TULP4: variants seen among roughly 807,000 people sequenced by gnomAD.
The protein encoded by TULP4 is tubby-related protein 4.
Under a neutral mutation model 129.0 loss-of-function variants are expected in TULP4, and 16 were observed. The observed-to-expected ratio is 0.12, with a 90% CI of 0.08 to 0.19. TULP4 has a LOEUF of 0.19. TULP4 is among the 10% of genes least tolerant of loss of function. The pLI is 1.00. For missense variants in TULP4, 1,842 were observed against 2,059.1 expected (o/e 0.89, Z 2.04); for synonymous variants, 998 against 854.0 (o/e 1.17, Z -2.94).
chr6:158,234,384 C>G (rs1226626312), intron 1 of TULP4, among the ~76,000 whole-genome samples: 1 of 152,180 alleles, frequency 6.6e-6, no homozygotes, highest in African/African-American at 2.4e-5. Context: ...AATTTCAGCC[C>G]TCTCACTGGA....
At chr6:158,261,810 A>G (rs1028091210) in intron 1 of TULP4, among the ~76,000 whole-genome samples, 1 of 152,078 alleles carries the variant, frequency 6.6e-6, no homozygotes, top group Non-Finnish European at 1.5e-5. Flanking sequence ...TTAGCCTCAG[A>G]GTTCCTCACA....
intron 1 of TULP4, among the ~76,000 whole-genome samples, chr6:158,369,154 C>CTTT (rs1271716209): frequency 1.3e-5 from 2 of 151,998 alleles, no homozygotes; most frequent in Non-Finnish European, 2.9e-5. Context: ...GTTATAATGT[C>CTTT]TTACAGGGAA....
At chr6:158,455,365 C>T (rs1299597972) in intron 5 of TULP4, among the ~76,000 whole-genome samples, 1 of 24,600 alleles carries the variant, frequency 4.1e-5, no homozygotes, top group Non-Finnish European at 7.7e-5. Flanking sequence ...TGAGCCACCG[C>T]GCCCGGCCAA....
At chr6:158,244,985 G>T (rs1366469826) in intron 1 of TULP4, among the ~76,000 whole-genome samples, 1 of 151,852 alleles carries the variant, frequency 6.6e-6, no homozygotes, top group African/African-American at 2.4e-5. Context: ...ATATAATTTA[G>T]ACACAATTTT....
chr6:158,368,429 A>T (rs1424951550), intron 1 of TULP4, among the ~76,000 whole-genome samples: 1 of 152,144 alleles, frequency 6.6e-6, no homozygotes, highest in Non-Finnish European at 1.5e-5. Context: ...CAGCCTCCCA[A>T]GTAGCTGGGT....
intron 2 of TULP4, 76 bp from the exon 3 acceptor site, chr6:158,429,660 T>C (rs1212570706): frequency 6.8e-7 from 1 of 1,461,752 alleles, no homozygotes; most frequent in Non-Finnish European, 9.2e-7. Context: ...TCTAAGTTAA[T>C]GACTATGTCT....
chr6:158,302,264 A>G (rs773630509), intron 1 of TULP4, among the ~76,000 whole-genome samples: 1 of 152,212 alleles, frequency 6.6e-6, no homozygotes, highest in Non-Finnish European at 1.5e-5. Context: ...GCTCCTGATT[A>G]TTGATAGATG....
chr6:158,364,098 T>C (rs1780864698), intron 1 of TULP4, among the ~76,000 whole-genome samples: 1 of 152,224 alleles, frequency 6.6e-6, no homozygotes, highest in Admixed American at 6.5e-5. Flanking sequence ...AAATGACTTC[T>C]CTTGGATCTC....
At chr6:158,264,476 C>T (rs1241298842) in intron 1 of TULP4, among the ~76,000 whole-genome samples, 1 of 152,054 alleles carries the variant, frequency 6.6e-6, no homozygotes, top group African/African-American at 2.4e-5. Context: ...AAAACTCAAG[C>T]CATTTTCCCT....
At chr6:158,310,884 G>T (rs901155846), upstream of TULP4, among the ~76,000 whole-genome samples, 1 of 152,126 alleles carries the variant, frequency 6.6e-6, no homozygotes, top group Non-Finnish European at 1.5e-5. Flanking sequence ...TAAAAACCAT[G>T]TACTCAAGGG....
chr6:158,390,792 G>A (rs563210252), intron 1 of TULP4, among the ~76,000 whole-genome samples: 1 of 152,304 alleles, frequency 6.6e-6, no homozygotes, highest in Admixed American at 6.5e-5. Flanking sequence ...TTTTGCATGG[G>A]CCCTATGTTT....
rs150961328 is a variant in TULP4 at position 158,296,373 on chromosome 6, T to C, written n.116+13995T>C. Among the ~76,000 whole-genome samples, 941 of 152,108 alleles carry C rather than the reference T, an allele frequency of 6.2e-3. 8 individuals are homozygous for C. The highest frequency in any genetic ancestry group is 0.021 in the African/African-American group (885 of 41,480). On this transcript the variant is annotated intron_variant and non_coding_transcript_variant, in intron 1 of 1. Transcript: ENST00000432358. ...AGAGAGACAGTATAAAGAGAAGAAT[T>C]TTACAGCTGGGCCGCCGGAGGTGAC...
Position 158,502,632 on chromosome 6 carries a change from A to G in TULP4, c.2969A>G (p.Asn990Ser), listed in dbSNP as rs1265903933. ...NSLIHATLRR[N>S]NREATLKMAQ... ...CTCATCCACGCTACCCTGCGGAGGA[A>G]CAACCGTGAGGCTACGCTCAAGATG... Residue 990 changes from asparagine to serine, a missense_variant, in exon 13 of 14, where the codon AAC (asparagine) becomes AGC (serine). Asn to Ser is a conservative substitution (Grantham distance 46, BLOSUM62 1). This residue lies in a region of TULP4 where 1,089 missense variants were observed against 987.1 expected (regional missense o/e 1.10). Coordinates refer to ENST00000367097, the MANE Select transcript of TULP4 (RefSeq NM_020245.5). The G allele has an allele frequency of 6.3e-7, 1 of 1,592,694 alleles. No homozygotes were observed. Among genetic ancestry groups the G allele is most frequent in the African/African-American group, 1.3e-5 (1 of 74,810 alleles).
intron 1 of TULP4, among the ~76,000 whole-genome samples, chr6:158,274,575 G>A (rs1213439424): frequency 6.6e-6 from 1 of 152,140 alleles, no homozygotes; most frequent in African/African-American, 2.4e-5. Flanking sequence ...AGGAGATCGA[G>A]ACCATCCTGG....
intron 1 of TULP4, among the ~76,000 whole-genome samples, chr6:158,374,414 T>TG (rs1777139962): frequency 6.6e-6 from 1 of 152,086 alleles, no homozygotes; most frequent in Admixed American, 6.5e-5. Flanking sequence ...GGGAAGAAAT[T>TG]GGGGAAGAGT....
In TULP4 at chr6:158,449,043, C is replaced by T. The variant is rs1371260304; in HGVS notation, c.591C>T (p.His197=). ...GGCAGGTGATTGTCATGGATTGCCA[C>T]GGCAGAATGCTGGCCCACGTCCTCT... is the stretch of plus-strand genomic sequence containing the variant. The part of the protein sequence containing the change: ...ADGQVIVMDC[H]GRMLAHVLLH... Residue 197 remains histidine, a synonymous_variant, in exon 4 of 14, where the codon CAC becomes CAT. Transcript: ENST00000367097. The T allele has an allele frequency of 1.1e-5, 17 of 1,613,832 alleles. No individual in the cohort carries two copies. The highest frequency in any genetic ancestry group is 4.4e-5 in the South Asian group (4 of 91,026).
At chr6:158,250,423 T>C (rs1778118988) in intron 1 of TULP4, among the ~76,000 whole-genome samples, 1 of 152,214 alleles carries the variant, frequency 6.6e-6, no homozygotes, top group Non-Finnish European at 1.5e-5. Context: ...CCCAAAGTGC[T>C]GGGATTACAG....
At chr6:158,471,555 G>C (rs1419821213) in intron 6 of TULP4, among the ~76,000 whole-genome samples, 1 of 152,230 alleles carries the variant, frequency 6.6e-6, no homozygotes, top group Non-Finnish European at 1.5e-5. Flanking sequence ...GGGAAGTTGT[G>C]GTTGGATAGG....
At chr6:158,317,028 T>C (rs998898872) in intron 1 of TULP4, among the ~76,000 whole-genome samples, 3 of 152,140 alleles carry the variant, frequency 2.0e-5, no homozygotes, top group African/African-American at 7.2e-5. Context: ...CCTCCACTCC[T>C]GGGGAGGGGA....
Sources: allele counts gnomAD v4.1 joint callset (sites outside exome capture counted in the v4.1 genomes callset), GRCh38; gene constraint gnomAD v4.1.1; regional missense constraint gnomAD v4.1.1; transcripts MANE v1.5; gene names NCBI Gene and HGNC (gene_info 2026-07-23, HGNC 2026-07-21).